The following RERE variants were observed in gnomAD, a reference collection of about 807,000 sequenced individuals.
RERE encodes arginine-glutamic acid dipeptide repeats protein.
Under a neutral mutation model 146.1 loss-of-function variants are expected in RERE, and 40 were observed. The observed-to-expected ratio is 0.27, with a 90% CI of 0.21 to 0.36. The LOEUF is 0.36. Ranked by LOEUF, RERE falls within the 10% of genes least tolerant of loss-of-function variation. The pLI is 1.00. For missense variants in RERE, 1,933 were observed against 2,138.7 expected, an observed-to-expected ratio of 0.90 and a Z score of 1.90; for synonymous variants, 1,003 against 866.0, an observed-to-expected ratio of 1.16 and a Z score of -2.78.
At position 8,497,424 on chromosome 1, in the gene RERE, T is replaced by C; in HGVS notation, c.985A>G (p.Met329Val). 3 of 1,614,042 alleles carry C rather than the reference T, an allele frequency of 1.9e-6. No individual in the cohort carries two copies. Among genetic ancestry groups the C allele is most frequent in the Non-Finnish European group, 2.5e-6 (3 of 1,179,972 alleles). Residue 329 changes from methionine (M) to valine (V), a missense_variant, in exon 9 of 23, where the codon ATG becomes GTG. By Grantham distance (21) the Met-to-Val change is conservative. Transcript: ENST00000400908. ...TATTACCTTGCTGCCCTCAAGTACA[T>C]AAGGAGGTCACAGTCGTTAACTCCA... ...MPGVNDCDLLMYLRAARSMAA... is the reference protein window; with the variant it reads ...MPGVNDCDLLVYLRAARSMAA...
intron 8 of RERE, among the ~76,000 whole-genome samples, chr1:8,499,512 G>A (rs147535705): frequency 6.8e-4 from 103 of 152,308 alleles, no homozygotes; most frequent in African/African-American, 2.4e-3. Context: ...CCCAGTGTGT[G>A]TACATCCTCC....
At chr1:8,471,148 G>T (rs1221179203) in intron 10 of RERE, among the ~76,000 whole-genome samples, 1 of 152,000 alleles carries the variant, frequency 6.6e-6, no homozygotes, top group Non-Finnish European at 1.5e-5. Context: ...TAACATACTA[G>T]AAGTTGTTAT....
chr1:8,742,586 C>T (rs1557515672), intron 1 of RERE, among the ~76,000 whole-genome samples: 3 of 152,022 alleles, frequency 2.0e-5, no homozygotes, highest in Admixed American at 1.3e-4. Flanking sequence ...TTTGGGAGGC[C>T]GAGGCAGGCA....
intron 2 of RERE, among the ~76,000 whole-genome samples, chr1:8,651,229 C>T (rs954649810): frequency 1.3e-5 from 2 of 151,704 alleles, no homozygotes; most frequent in African/African-American, 4.8e-5. Flanking sequence ...GCCTGAATAA[C>T]ATAGCAAGAC....
chr1:8,668,992 T>C (rs1196211437), intron 1 of RERE, among the ~76,000 whole-genome samples: 1 of 36,136 alleles, frequency 2.8e-5, no homozygotes, highest in Non-Finnish European at 5.7e-5. Flanking sequence ...TCTCACTCTG[T>C]CTTCTGTGAA....
intron 2 of RERE, among the ~76,000 whole-genome samples, chr1:8,650,061 G>A (rs530758999): frequency 5.3e-5 from 8 of 152,184 alleles, no homozygotes; most frequent in South Asian, 2.1e-4. Context: ...CGAGGCAGGC[G>A]GGAACATGGG....
At chr1:8,794,732 A>G (rs921002693) in intron 1 of RERE, among the ~76,000 whole-genome samples, 3 of 152,048 alleles carry the variant, frequency 2.0e-5, no homozygotes, top group Non-Finnish European at 4.4e-5. Flanking sequence ...CCCCATCTTT[A>G]CAAAACAAAA....
At position 8,383,716 on chromosome 1, in the gene RERE, G is replaced by A. The variant is rs186286095; in HGVS notation, c.1285-17742C>T. On this transcript the variant is annotated intron_variant, in intron 12 of 22. Coordinates refer to ENST00000400908, the MANE Select transcript of RERE (RefSeq NM_001042681.2). ...TCTACTAAAAATACAAAAATTAGCC[G>A]GGTGTGGTGGCACGCACCTGTACTC... is the stretch of plus-strand genomic sequence containing the variant. 1.4e-4 allele frequency among the ~76,000 whole-genome samples: 21 copies of A among 152,028 alleles called. 1 individual carries two copies. The highest frequency in any genetic ancestry group is 2.4e-4 in the African/African-American group (10 of 41,478).
At chr1:8,486,768 AAAAAG>A (rs1644905640) in intron 10 of RERE, among the ~76,000 whole-genome samples, 1 of 150,728 alleles carries the variant, frequency 6.6e-6, no homozygotes, top group Non-Finnish European at 1.5e-5. Flanking sequence ...AAAAAAAAAA[AAAAAG>A]AAAAGAAAGA....
chr1:8,603,913 T>G (rs1646664552), intron 4 of RERE, among the ~76,000 whole-genome samples: 1 of 122,398 alleles, frequency 8.2e-6, no homozygotes, highest in African/African-American at 3.3e-5. Context: ...GTACTCTAGG[T>G]GGGTGACAAA....
In RERE at chr1:8,673,827, G is replaced by A. The variant is rs76874942; in HGVS notation, c.-144-17386C>T. On this transcript the variant is annotated intron_variant, in intron 1 of 22. Transcript: ENST00000400908. ...GGGAGCCAAGGCAGGTAGATCACTC[G>A]AGCCCAGGAGTTTGAGATCATGGCC... 8.5e-3 allele frequency among the ~76,000 whole-genome samples: 1,297 copies of A among 152,082 alleles called. 19 individuals carry two copies. Among genetic ancestry groups the A allele is most frequent in the African/African-American group, 0.03 (1,248 of 41,480 alleles).
intron 12 of RERE, among the ~76,000 whole-genome samples, chr1:8,403,296 AAACTTTTCACAGTAGC>A (rs1643326300): frequency 6.6e-6 from 1 of 152,212 alleles, no homozygotes; most frequent in South Asian, 2.1e-4. Context: ...TCCTATCATA[AAACTTTTCACAGTAGC>A]CCTTACATGT....
intron 12 of RERE, among the ~76,000 whole-genome samples, chr1:8,420,308 G>A (rs1466590661): frequency 1.3e-5 from 2 of 151,908 alleles, no homozygotes; most frequent in Non-Finnish European, 2.9e-5. Context: ...GAGAGAGAGA[G>A]AAAGAGAGAG....
At chr1:8,694,430 A>G (rs1639276285) in intron 1 of RERE, among the ~76,000 whole-genome samples, 1 of 152,202 alleles carries the variant, frequency 6.6e-6, no homozygotes, top group South Asian at 2.1e-4. Flanking sequence ...GGAGGGGGAA[A>G]ATCTCTGCAA....
rs1184710474 is a variant in RERE at position 8,352,528 on chromosome 1, G to A, written c.*2559C>T. ...TACTGTTTACACTGTGTTATCTCATGGCAAACTACTCATATATACATTTAG... is the reference window on the plus strand; with the variant it reads ...TACTGTTTACACTGTGTTATCTCATAGCAAACTACTCATATATACATTTAG... On this transcript the variant is annotated 3_prime_UTR_variant, in exon 23 of 23. Transcript: ENST00000400908. The A allele has an allele frequency of 1.3e-5, 2 of 152,416 alleles. No homozygotes were observed. The highest frequency in any genetic ancestry group is 1.5e-5 in the Non-Finnish European group (1 of 68,034). 9.4% of individuals were successfully genotyped at this position (152,416 alleles called of 1,614,324 possible). A position where few individuals can be genotyped will look rare whatever the true frequency, so the allele number is the denominator to read the frequency against.
intron 12 of RERE, among the ~76,000 whole-genome samples, chr1:8,420,502 T>C (rs532167349): frequency 3.6e-4 from 55 of 152,318 alleles, no homozygotes; most frequent in Non-Finnish European, 7.5e-4. Context: ...AGCTTGGCTA[T>C]GTTGATAACT....
At chr1:8,684,187 A>C (rs1193367816) in intron 1 of RERE, among the ~76,000 whole-genome samples, 1 of 152,228 alleles carries the variant, frequency 6.6e-6, no homozygotes, top group East Asian at 1.9e-4. Flanking sequence ...ACTTAAAGTC[A>C]TGCTAAAGCA....
At chr1:8,725,838 G>C (rs1639952244) in intron 1 of RERE, among the ~76,000 whole-genome samples, 1 of 152,008 alleles carries the variant, frequency 6.6e-6, no homozygotes, top group Admixed American at 6.6e-5. Context: ...GGCATAATAG[G>C]CTCTGGGTTT....
At chr1:8,736,188 AGTTT>A (rs141597255) in intron 1 of RERE, among the ~76,000 whole-genome samples, 62,641 of 138,140 alleles carry the variant, frequency 0.45, 15,596 homozygotes, top group African/African-American at 0.71. Flanking sequence ...TTAAACCATC[AGTTT>A]GTTTGTTTGT....
Sources: gnomAD v4.1 joint callset for allele counts (sites outside exome capture counted in the v4.1 genomes callset) on GRCh38, gnomAD v4.1.1 for gene constraint, MANE v1.5 for transcripts, NCBI Gene and HGNC (gene_info 2026-07-23, HGNC 2026-07-21) for gene names.